GRM8: variants seen among roughly 807,000 people sequenced by gnomAD.
GRM8 encodes metabotropic glutamate receptor 8.
In GRM8, 47 loss-of-function variants were observed where a neutral mutation model predicts 87.2. That is an observed-to-expected ratio of 0.54 (90% CI 0.43 to 0.69). The LOEUF (loss-of-function observed/expected upper bound fraction) is 0.69. Ranked by LOEUF, GRM8 falls within the 30% of genes least tolerant of loss-of-function variation. GRM8 has a pLI of 0.00. For missense variants in GRM8, 1,019 were observed against 1,139.2 expected (o/e 0.89, Z 1.52); for synonymous variants, 396 against 404.5 (o/e 0.98, Z 0.25).
intron 9 of GRM8, among the ~76,000 whole-genome samples, chr7:126,483,946 A>G (rs1807050653): frequency 6.6e-6 from 1 of 151,950 alleles, no homozygotes; most frequent in African/African-American, 2.4e-5. Flanking sequence ...AAATTTCTGT[A>G]TTTCCAAAAC....
At chr7:126,808,725 A>G (rs1199387609) in intron 6 of GRM8, among the ~76,000 whole-genome samples, 1 of 152,218 alleles carries the variant, frequency 6.6e-6, no homozygotes, top group African/African-American at 2.4e-5. Context: ...ATAGGAAGTG[A>G]CTTACTTTGC....
At chr7:126,765,218 C>A (rs920163075) in intron 7 of GRM8, among the ~76,000 whole-genome samples, 2 of 151,972 alleles carry the variant, frequency 1.3e-5, no homozygotes, top group Non-Finnish European at 2.9e-5. Context: ...GAAGAGAAAA[C>A]CAATATAAAG....
At chr7:126,973,047 T>C (rs555260787) in intron 3 of GRM8, among the ~76,000 whole-genome samples, 36 of 152,354 alleles carry the variant, frequency 2.4e-4, no homozygotes, top group African/African-American at 8.4e-4. Context: ...CTATCTTTAT[T>C]AGCTATGTCT....
At chr7:126,939,558 C>T (rs1474759195) in intron 3 of GRM8, among the ~76,000 whole-genome samples, 1 of 152,166 alleles carries the variant, frequency 6.6e-6, no homozygotes. Flanking sequence ...AACTTTATTA[C>T]TGCTATAGTT....
chr7:126,911,086 C>G (rs947511471), intron 3 of GRM8, among the ~76,000 whole-genome samples: 1 of 152,128 alleles, frequency 6.6e-6, no homozygotes, highest in Admixed American at 6.5e-5. Flanking sequence ...AGAATCATCA[C>G]CAACACTGAG....
chr7:126,793,989 A>G lies in GRM8; in HGVS notation c.1157-23924T>C, dbSNP rs185439390. 8.0e-4 allele frequency among the ~76,000 whole-genome samples: 122 copies of G among 152,286 alleles called. 1 individual carries two copies. The highest frequency in any genetic ancestry group is 1.6e-3 in the Non-Finnish European group (107 of 68,016). ...CACCAGTAAGGAATTACTCTGGATC[A>G]TTAATAGCAGTAGAGATTTCCATCA... is the stretch of plus-strand genomic sequence containing the variant. On this transcript the variant is annotated intron_variant, in intron 6 of 10. Transcript: ENST00000339582.
At chr7:127,030,708 C>T (rs1441661835) in intron 3 of GRM8, among the ~76,000 whole-genome samples, 2 of 152,110 alleles carry the variant, frequency 1.3e-5, no homozygotes, top group Non-Finnish European at 2.9e-5. Flanking sequence ...CTGAATAGTA[C>T]TGGTAGTTCA....
At chr7:126,662,079 T>C (rs187680975) in intron 7 of GRM8, among the ~76,000 whole-genome samples, 200 of 152,354 alleles carry the variant, frequency 1.3e-3, no homozygotes, top group Middle Eastern at 3.4e-3. Context: ...TTTTCCAAAT[T>C]GCTCTAAATT....
At chr7:126,517,470 CA>C (rs1044971714) in intron 9 of GRM8, among the ~76,000 whole-genome samples, 2 of 152,012 alleles carry the variant, frequency 1.3e-5, no homozygotes, top group South Asian at 2.1e-4. Context: ...AGTACATGCC[CA>C]AACCACAATT....
chr7:127,067,274 C>G (rs1258158070), intron 3 of GRM8, among the ~76,000 whole-genome samples: 1 of 152,150 alleles, frequency 6.6e-6, no homozygotes, highest in African/African-American at 2.4e-5. Flanking sequence ...TTCTCAGGAA[C>G]CAAATCACAC....
At chr7:126,907,243 A>C (rs1457428794) in intron 3 of GRM8, among the ~76,000 whole-genome samples, 1 of 133,892 alleles carries the variant, frequency 7.5e-6, no homozygotes, top group African/African-American at 2.8e-5. Context: ...GAAGAGATGG[A>C]GGAGGAGGAG....
At chr7:127,234,964 C>G (rs1278009956) in intron 2 of GRM8, among the ~76,000 whole-genome samples, 1 of 152,180 alleles carries the variant, frequency 6.6e-6, no homozygotes, top group African/African-American at 2.4e-5. Flanking sequence ...ATTTAAAAAC[C>G]TGCAGTCTCT....
intron 3 of GRM8, among the ~76,000 whole-genome samples, chr7:127,064,781 G>T (rs756593313): frequency 5.3e-5 from 8 of 152,052 alleles, no homozygotes; most frequent in Non-Finnish European, 8.8e-5. Context: ...CAATATCACC[G>T]ATCATTAGAG....
chr7:127,238,588 G>A (rs989251685), intron 2 of GRM8, among the ~76,000 whole-genome samples: 7 of 152,098 alleles, frequency 4.6e-5, no homozygotes, highest in Admixed American at 6.6e-5. Context: ...GAACCCCACC[G>A]TACACTCGAG....
At chr7:126,998,781 T>C (rs1363455596) in intron 3 of GRM8, among the ~76,000 whole-genome samples, 1 of 151,770 alleles carries the variant, frequency 6.6e-6, no homozygotes, top group Admixed American at 6.6e-5. Context: ...AATGAAGACA[T>C]TCCATGTTCA....
chr7:126,944,420 C>T (rs1807306772), intron 3 of GRM8, among the ~76,000 whole-genome samples: 1 of 152,154 alleles, frequency 6.6e-6, no homozygotes. Flanking sequence ...AGAACCTAAA[C>T]TAGATACTTG....
At chr7:127,058,055 A>T in intron 3 of GRM8, 1 of 425,558 alleles carries the variant, frequency 2.3e-6, no homozygotes, top group Non-Finnish European at 4.9e-6. Flanking sequence ...TGCTCAGTTT[A>T]AAAACCCTTC....
At chr7:126,745,216 T>C (rs554282304) in intron 7 of GRM8, among the ~76,000 whole-genome samples, 1 of 151,820 alleles carries the variant, frequency 6.6e-6, no homozygotes. Context: ...CTGGCAATGC[T>C]ATTTTTCATT....
At chr7:127,047,060 C>T (rs182198671) in intron 3 of GRM8, among the ~76,000 whole-genome samples, 1 of 152,194 alleles carries the variant, frequency 6.6e-6, no homozygotes, top group Non-Finnish European at 1.5e-5. Flanking sequence ...CTACACTGAA[C>T]ATTTAGCAAC....
Sources: allele counts gnomAD v4.1 joint callset (sites outside exome capture counted in the v4.1 genomes callset), GRCh38; gene constraint gnomAD v4.1.1; transcripts MANE v1.5; gene names NCBI Gene and HGNC (gene_info 2026-07-23, HGNC 2026-07-21).